The following SMC6 variants were observed in gnomAD, a reference collection of about 807,000 sequenced individuals.
SMC6 encodes structural maintenance of chromosomes protein 6.
Under a neutral mutation model 142.2 loss-of-function variants are expected in SMC6, and 79 were observed. That is an observed-to-expected ratio of 0.56 (90% CI 0.46 to 0.67). The LOEUF is 0.67. SMC6 is among the 30% of genes least tolerant of loss of function. The pLI is 0.00. For missense variants in SMC6, 1,072 were observed against 1,284.0 expected (o/e 0.83, Z 2.52); for synonymous variants, 411 against 412.4 (o/e 1.00, Z 0.04).
intron 26 of SMC6, 97 bp downstream of exon 26, chr2:17,670,326 T>A: frequency 7.9e-7 from 1 of 1,263,956 alleles, no homozygotes. Context: ...GGATCTTTCC[T>A]GTTAGGGGTA....
chr2:17,718,284 T>C, intron 11 of SMC6, 61 bp from the exon 12 acceptor site: 1 of 1,204,664 alleles, frequency 8.3e-7, no homozygotes. Flanking sequence ...TTTTAAAAAA[T>C]AATTATCTAT....
chr2:17,744,188 G>A (rs1180236049), intron 3 of SMC6, among the ~76,000 whole-genome samples: 1 of 152,122 alleles, frequency 6.6e-6, no homozygotes, highest in African/African-American at 2.4e-5. Flanking sequence ...ATTCTCACCA[G>A]TAATGAATGA....
rs567830363 is a variant in SMC6 at position 17,727,305 on chromosome 2, C to A, written c.544-836G>T. Among the ~76,000 whole-genome samples the A allele has an allele frequency of 3.7e-4, 57 of 152,142 alleles. 1 individual carries two copies. Among genetic ancestry groups the A allele is most frequent in the Non-Finnish European group, 7.2e-4 (49 of 68,012 alleles). Reference sequence around the variant, plus strand: ...CAGTGTGGTTGGAATATAAAGCAGGCGGAAAAAACGTGAAAAGACTAGACT... The same window carrying A: ...CAGTGTGGTTGGAATATAAAGCAGGAGGAAAAAACGTGAAAAGACTAGACT... On this transcript the variant is annotated intron_variant, in intron 7 of 27. Coordinates refer to ENST00000448223, the MANE Select transcript of SMC6 (RefSeq NM_001142286.2).
chr2:17,707,652 C>G (rs2124963046), intron 17 of SMC6, among the ~76,000 whole-genome samples: 1 of 152,142 alleles, frequency 6.6e-6, no homozygotes, highest in East Asian at 1.9e-4. Context: ...ATATTGCTAT[C>G]TATTTAAAAG....
At chr2:17,740,925 C>T (rs546208002) in intron 4 of SMC6, 45 of 284,466 alleles carry the variant, frequency 1.6e-4, no homozygotes, top group Non-Finnish European at 2.9e-4. Flanking sequence ...TGGTTCCCCA[C>T]TGTCTTCAAA....
chr2:17,743,716 G>A (rs572871965), intron 3 of SMC6, among the ~76,000 whole-genome samples: 2 of 152,156 alleles, frequency 1.3e-5, no homozygotes, highest in South Asian at 2.1e-4. Flanking sequence ...TATTTTTACT[G>A]CGCTAAAAAT....
chr2:17,693,438 C>T (rs1475076065), intron 23 of SMC6, among the ~76,000 whole-genome samples: 1 of 151,986 alleles, frequency 6.6e-6, no homozygotes, highest in Non-Finnish European at 1.5e-5. Context: ...AGCAAACTAT[C>T]ACAAGGACAA....
At chr2:17,675,508 C>A (rs765689296) in intron 25 of SMC6, among the ~76,000 whole-genome samples, 34 of 151,968 alleles carry the variant, frequency 2.2e-4, no homozygotes, top group Non-Finnish European at 4.1e-4. Flanking sequence ...TGAAGATGTT[C>A]TTTAGTATTT....
At chr2:17,715,610 G>T (rs531951165) in intron 15 of SMC6, among the ~76,000 whole-genome samples, 35 of 151,918 alleles carry the variant, frequency 2.3e-4, no homozygotes, top group African/African-American at 8.0e-4. Context: ...CCAAGAACAC[G>T]TGACTAAAAA....
At chr2:17,728,182 T>A (rs956226401) in intron 7 of SMC6, among the ~76,000 whole-genome samples, 3 of 152,222 alleles carry the variant, frequency 2.0e-5, no homozygotes, top group Non-Finnish European at 1.5e-5. Context: ...ATACCTATAA[T>A]CTCAGCACTT....
rs1419392989 is a variant in SMC6, at chr2:17,710,644, A to G, written c.1731-1891T>C. On this transcript the variant is annotated intron_variant, in intron 16 of 27. Coordinates refer to ENST00000448223, the MANE Select transcript of SMC6 (RefSeq NM_001142286.2). ...AGTGAGGTCCTTGGGCCAAGTGAAA[A>G]AGTGTTTCAGGAAGAATGAAAGGAT... Among the ~76,000 whole-genome samples, 7 of 152,270 alleles carry G rather than the reference A, an allele frequency of 4.6e-5. No homozygotes were observed. The East Asian group carries it at 1.4e-3, about 30-fold the overall frequency.
intron 25 of SMC6, among the ~76,000 whole-genome samples, chr2:17,678,566 A>G (rs137915641): frequency 1.8e-3 from 268 of 151,224 alleles, no homozygotes; most frequent in African/African-American, 6.2e-3. Flanking sequence ...CCAGGAGTTT[A>G]AGACCAGCTT....
Position 17,665,429 on chromosome 2 carries a change from CAA to C in SMC6, c.*68_*69del, listed in dbSNP as rs2103448789. On this transcript the variant is annotated 3_prime_UTR_variant, in exon 28 of 28. Transcript: ENST00000448223. ...TGCCTCCAGTCTCATTTTATTATAT[CAA>C]AGAGTCCAGAATTTTTTTTCCCTTC... The C allele has an allele frequency of 4.2e-6, 4 of 959,518 alleles. No homozygotes were observed. Among genetic ancestry groups the C allele is most frequent in the South Asian group, 4.0e-5 (2 of 50,000 alleles). The allele number at this position is 959,518 out of a possible 1,614,324, so 59.4% of individuals were successfully genotyped here.
intron 2 of SMC6, among the ~76,000 whole-genome samples, chr2:17,749,676 A>G (rs542607392): frequency 1.4e-4 from 21 of 152,280 alleles, no homozygotes; most frequent in Admixed American, 1.4e-3. Flanking sequence ...TGACAGAGCG[A>G]TACTCCGTCT....
chr2:17,703,020 G>C, intron 19 of SMC6, 137 bp downstream of exon 19: 1 of 446,996 alleles, frequency 2.2e-6, no homozygotes, highest in Admixed American at 4.2e-5. Flanking sequence ...ATAAATGAAA[G>C]CTCTTTGATG....
chr2:17,694,576 A>G (rs1667902779), intron 23 of SMC6, among the ~76,000 whole-genome samples: 2 of 152,208 alleles, frequency 1.3e-5, no homozygotes, highest in Admixed American at 1.3e-4. Context: ...CATATTGTTT[A>G]TGGATCATTT....
At chr2:17,739,821 AACAC>A (rs148768584) in intron 4 of SMC6, among the ~76,000 whole-genome samples, 4 of 111,480 alleles carry the variant, frequency 3.6e-5, no homozygotes, top group South Asian at 2.7e-4. Flanking sequence ...TTTCTCTTTA[AACAC>A]ACACACACAC....
chr2:17,697,345 A>C (rs1190017721), intron 21 of SMC6, among the ~76,000 whole-genome samples: 1 of 152,098 alleles, frequency 6.6e-6, no homozygotes. Flanking sequence ...CTTCAAAACT[A>C]TAAGTGAGTT....
At chr2:17,715,443 C>T (rs73218884) in intron 15 of SMC6, among the ~76,000 whole-genome samples, 1,678 of 147,480 alleles carry the variant, frequency 0.011, 26 homozygotes, top group African/African-American at 0.036. Context: ...TAATGGGATG[C>T]GAAAAAAAAA....
Sources: gnomAD v4.1 joint callset for allele counts (sites outside exome capture counted in the v4.1 genomes callset) on GRCh38, gnomAD v4.1.1 for gene constraint, MANE v1.5 for transcripts, NCBI Gene and HGNC (gene_info 2026-07-23, HGNC 2026-07-21) for gene names.